TMEM108: variants seen among roughly 807,000 people sequenced by gnomAD.
TMEM108 encodes the protein cancer/testis antigen 124.
Under a neutral mutation model 35.1 loss-of-function variants are expected in TMEM108, and 12 were observed. The observed-to-expected ratio is 0.34, with a 90% CI of 0.22 to 0.55. TMEM108 has a LOEUF of 0.55. Ranked by LOEUF, TMEM108 falls within the 20% of genes least tolerant of loss-of-function variation. TMEM108 has a pLI of 0.89. For missense variants in TMEM108, 680 were observed against 753.3 expected, an observed-to-expected ratio of 0.90 and a Z score of 1.14; for synonymous variants, 287 against 308.6, an observed-to-expected ratio of 0.93 and a Z score of 0.73.
At chr3:133,039,258 G>A (rs1255029598) in intron 1 of TMEM108, among the ~76,000 whole-genome samples, 1 of 152,198 alleles carries the variant, frequency 6.6e-6, no homozygotes, top group Non-Finnish European at 1.5e-5. Flanking sequence ...AAGAAGATAG[G>A]GGTTTTTTTC....
At position 133,380,344 on chromosome 3, in the gene TMEM108, G is replaced by A. The variant is rs750313667; in HGVS notation, c.633G>A (p.Arg211=). 1.9e-6 allele frequency: 3 copies of A among 1,614,096 alleles called. No homozygotes were observed. The highest frequency in any genetic ancestry group is 4.5e-5 in the East Asian group (2 of 44,880). Residue 211 remains arginine, a synonymous_variant, in exon 4 of 6, where the codon CGG becomes CGA. Transcript: ENST00000321871. The surrounding 1 kb of genome is among the most constrained non-coding windows in gnomAD (Gnocchi z 5.3). Reference sequence around the variant, plus strand: ...GCTCCACACCTCTGGGGCAGAAGCGGCCCCTGGGGAAAATCTTTCAGATCT... The same window carrying A: ...GCTCCACACCTCTGGGGCAGAAGCGACCCCTGGGGAAAATCTTTCAGATCT... ...NPSSTPLGQK[R]PLGKIFQIYK... is the part of the protein sequence containing the mutation.
chr3:133,065,731 G>T (rs1413317688), intron 2 of TMEM108, among the ~76,000 whole-genome samples: 2 of 151,950 alleles, frequency 1.3e-5, no homozygotes, highest in East Asian at 3.9e-4. Flanking sequence ...AGCATTCTAG[G>T]AATGAAAATA....
intron 3 of TMEM108, among the ~76,000 whole-genome samples, chr3:133,370,871 A>AGTGTGTGTGTGT (rs71624013): frequency 0.033 from 4,136 of 125,416 alleles, 169 homozygotes; most frequent in East Asian, 0.065. Flanking sequence ...CCCAGCCCAT[A>AGTGTGTGTGTGT]GTGTGTGTGT....
intron 3 of TMEM108, among the ~76,000 whole-genome samples, chr3:133,331,891 C>A (rs2071397659): frequency 6.6e-6 from 1 of 152,174 alleles, no homozygotes; most frequent in South Asian, 2.1e-4. Context: ...TTTCTGGCTA[C>A]AGGGTTTGGA....
chr3:133,272,671 G>A (rs182911503), intron 3 of TMEM108, among the ~76,000 whole-genome samples: 257 of 152,250 alleles, frequency 1.7e-3, no homozygotes, highest in Non-Finnish European at 2.8e-3. Flanking sequence ...TAGGAGTGAT[G>A]TATGAGATAC....
chr3:133,276,327 C>T (rs1946837986), intron 3 of TMEM108, among the ~76,000 whole-genome samples: 1 of 152,198 alleles, frequency 6.6e-6, no homozygotes, highest in Non-Finnish European at 1.5e-5. Flanking sequence ...AAGACTTTCT[C>T]ATCTTGTATC....
intron 3 of TMEM108, among the ~76,000 whole-genome samples, chr3:133,331,188 T>C (rs2071389070): frequency 6.6e-6 from 1 of 152,212 alleles, no homozygotes; most frequent in African/African-American, 2.4e-5. Flanking sequence ...ATGGTAGGCC[T>C]CAACAAAATG....
intron 2 of TMEM108, among the ~76,000 whole-genome samples, chr3:133,221,660 C>CTTTTTTTTTT (rs3078806): frequency 1.5e-3 from 90 of 60,352 alleles, no homozygotes; most frequent in East Asian, 2.5e-3. Context: ...ACATTGATTC[C>CTTTTTTTTTT]TTTTTTTTTT....
At chr3:133,224,081 G>A (rs143910125) in intron 2 of TMEM108, among the ~76,000 whole-genome samples, 1 of 152,272 alleles carries the variant, frequency 6.6e-6, no homozygotes, top group Non-Finnish European at 1.5e-5. Flanking sequence ...CTACTGAAGG[G>A]CTTATAATCC....
chr3:133,153,739 T>C (rs994083074), intron 2 of TMEM108, among the ~76,000 whole-genome samples: 5 of 152,140 alleles, frequency 3.3e-5, no homozygotes, highest in African/African-American at 4.8e-5. Context: ...AAAATGACTT[T>C]TAGTGAATTC....
At chr3:133,171,645 G>T (rs944923604) in intron 2 of TMEM108, among the ~76,000 whole-genome samples, 1 of 152,136 alleles carries the variant, frequency 6.6e-6, no homozygotes, top group African/African-American at 2.4e-5. Context: ...GGATTAGGGT[G>T]ATATATATTA....
At chr3:133,278,442 G>A (rs552218428) in intron 3 of TMEM108, among the ~76,000 whole-genome samples, 3 of 152,330 alleles carry the variant, frequency 2.0e-5, no homozygotes, top group African/African-American at 4.8e-5. Flanking sequence ...TCTGAGAAAT[G>A]TGTGTAGGTG....
At chr3:133,059,320 T>A (rs949377076) in intron 2 of TMEM108, among the ~76,000 whole-genome samples, 2 of 152,214 alleles carry the variant, frequency 1.3e-5, no homozygotes, top group African/African-American at 2.4e-5. Flanking sequence ...TCTTATATAT[T>A]TTTTTAAACA....
At chr3:133,277,551 A>T (rs1038869847) in intron 3 of TMEM108, among the ~76,000 whole-genome samples, 1 of 152,260 alleles carries the variant, frequency 6.6e-6, no homozygotes, top group African/African-American at 2.4e-5. Flanking sequence ...AGCTGCCCAA[A>T]TTAGAACTTC....
At chr3:133,177,202 C>G (rs1330673803) in intron 2 of TMEM108, among the ~76,000 whole-genome samples, 2 of 152,282 alleles carry the variant, frequency 1.3e-5, no homozygotes, top group East Asian at 3.9e-4. Flanking sequence ...AAGTCCAGGA[C>G]CAGATGGATT....
At chr3:133,188,278 T>C (rs2107811420) in intron 2 of TMEM108, among the ~76,000 whole-genome samples, 1 of 152,272 alleles carries the variant, frequency 6.6e-6, no homozygotes, top group South Asian at 2.1e-4. Flanking sequence ...AATCTCCTCA[T>C]ATAAATGATG....
intron 3 of TMEM108, chr3:133,247,648 A>AT (rs1386906920): frequency 2.8e-5 from 4 of 142,616 alleles, no homozygotes; most frequent in Non-Finnish European, 6.4e-5. Context: ...TCCTAAAAAA[A>AT]AAATAAAAAA....
chr3:133,111,571 A>G (rs1421372884), intron 2 of TMEM108, among the ~76,000 whole-genome samples: 1 of 152,142 alleles, frequency 6.6e-6, no homozygotes, highest in Non-Finnish European at 1.5e-5. Context: ...ATTCATATAT[A>G]TTAATATATA....
intron 3 of TMEM108, among the ~76,000 whole-genome samples, chr3:133,344,731 A>G (rs1426794096): frequency 1.3e-5 from 2 of 151,798 alleles, no homozygotes; most frequent in African/African-American, 4.8e-5. Context: ...TAGTAAGGCA[A>G]AACAAAAAAA....
Sources: gnomAD v4.1 joint callset for allele counts (sites outside exome capture counted in the v4.1 genomes callset) on GRCh38, gnomAD v4.1.1 for gene constraint, Gnocchi (gnomAD v3.1) non-coding constraint, MANE v1.5 for transcripts, NCBI Gene and HGNC (gene_info 2026-07-23, HGNC 2026-07-21) for gene names.